The following ULK2 variants were observed in gnomAD, a reference collection of about 807,000 sequenced individuals.
ULK2 encodes unc-51 like autophagy activating kinase 2.
ULK2 carries 76 observed loss-of-function variants against 127.5 expected under a neutral mutation model. That is an observed-to-expected ratio of 0.60 (90% CI 0.50 to 0.72). ULK2 has a LOEUF of 0.72. Among genes scored for constraint, ULK2 ranks in the 30% least tolerant of loss-of-function variants. ULK2 has a pLI of 0.00. For synonymous variants in ULK2, 452 were observed against 461.9 expected, an observed-to-expected ratio of 0.98 and a Z score of 0.28; for missense variants, 1,144 against 1,295.9, an observed-to-expected ratio of 0.88 and a Z score of 1.80.
intron 3 of ULK2, among the ~76,000 whole-genome samples, chr17:19,857,431 T>C (rs982777177): frequency 6.6e-6 from 1 of 152,232 alleles, no homozygotes; most frequent in Non-Finnish European, 1.5e-5. Context: ...CATTTAAATA[T>C]TATTCTGAGA....
intron 12 of ULK2, among the ~76,000 whole-genome samples, chr17:19,819,909 C>T (rs930571368): frequency 2.0e-5 from 3 of 152,168 alleles, no homozygotes; most frequent in African/African-American, 7.2e-5. Context: ...AAGGTGTCCT[C>T]TCTCCTCTAG....
chr17:19,791,844 C>CAA lies in ULK2; in HGVS notation c.2101+3776_2101+3777dup, dbSNP rs58434256. Among the ~76,000 whole-genome samples the CAA allele has an allele frequency of 1.1e-3, 55 of 48,166 alleles. 1 individual carries two copies. Among genetic ancestry groups the CAA allele is most frequent in the Admixed American group, 1.7e-3 (6 of 3,558 alleles). The allele number at this position is 48,166 out of a possible 152,430, so 31.6% of individuals were successfully genotyped here. On this transcript the variant is annotated intron_variant, in intron 20 of 26. Transcript: ENST00000395544. ...CTGCACTCCAGCAACACCCTGTTTA[C>CAA]AAAAAAAAAAAAAAAAAAAAAAAAT...
rs141817517 is a variant in ULK2 at position 19,819,612 on chromosome 17, T to A, written c.925-2692A>T. On this transcript the variant is annotated intron_variant, in intron 12 of 26. Coordinates refer to ENST00000395544, the MANE Select transcript of ULK2 (RefSeq NM_014683.4). ...TGAGCTCTAGATCCCTTTGTTCACTTGCCTATACAACACATTCATGCCTGT... is the reference window on the plus strand; with the variant it reads ...TGAGCTCTAGATCCCTTTGTTCACTAGCCTATACAACACATTCATGCCTGT... Among the ~76,000 whole-genome samples, 144 of 152,312 alleles carry A rather than the reference T, an allele frequency of 9.5e-4. 4 individuals carry two copies. In the East Asian group the frequency reaches 0.024, roughly 26 times the overall value.
Position 19,797,465 on chromosome 17 carries a change from C to A in ULK2, c.1740G>T (p.Gly580=). The A allele has an allele frequency of 6.2e-7, 1 of 1,613,928 alleles. No individual in the cohort carries two copies. The highest frequency in any genetic ancestry group is 8.5e-7 in the Non-Finnish European group (1 of 1,179,948). The change falls in exon 18 of 27, where the codon GGG becomes GGT. Residue 580 remains glycine (G), a synonymous_variant. Transcript: ENST00000395544. The stretch of plus-strand genomic sequence containing the variant: ...ACCAGTCAGAACTCCGTGGAGAGGA[C>A]CCCAAGTGCTTGGTGGGAGAAGTTC... ...SLGTSPTKHL[G]SSPRSSDWFF... is the part of the protein sequence containing the mutation.
chr17:19,852,813 G>C, intron 3 of ULK2, among the ~76,000 whole-genome samples: 1 of 151,156 alleles, frequency 6.6e-6, no homozygotes, highest in African/African-American at 2.4e-5. Flanking sequence ...TGTTGTTGTT[G>C]TTGTTGTTTT....
At chr17:19,817,334 C>A (rs892634712) in intron 12 of ULK2, among the ~76,000 whole-genome samples, 1 of 152,120 alleles carries the variant, frequency 6.6e-6, no homozygotes, top group Non-Finnish European at 1.5e-5. Context: ...ACATCTTACA[C>A]ACACACGTTT....
intron 10 of ULK2, among the ~76,000 whole-genome samples, chr17:19,835,097 A>G (rs939456378): frequency 3.3e-5 from 5 of 151,896 alleles, no homozygotes; most frequent in Admixed American, 1.3e-4. Context: ...AGCCATATTA[A>G]GGGAACAAAG....
intron 19 of ULK2, among the ~76,000 whole-genome samples, 184 bp from the exon 20 acceptor site, chr17:19,795,909 G>A (rs551326604): frequency 6.6e-6 from 1 of 152,294 alleles, no homozygotes; most frequent in South Asian, 2.1e-4. Context: ...GAAGAACTAT[G>A]TACTTACATA....
At chr17:19,806,966 C>T (rs1335810930) in intron 14 of ULK2, among the ~76,000 whole-genome samples, 2 of 152,194 alleles carry the variant, frequency 1.3e-5, no homozygotes, top group African/African-American at 4.8e-5. Context: ...TTCAAATACA[C>T]AATCTTTACA....
chr17:19,799,604 G>A, intron 16 of ULK2, 29 bp from the exon 17 acceptor site: 3 of 1,440,318 alleles, frequency 2.1e-6, no homozygotes, highest in Non-Finnish European at 9.3e-7. Context: ...AAAAGATGGG[G>A]AAAGGAAGAA....
intron 16 of ULK2, among the ~76,000 whole-genome samples, chr17:19,801,199 G>T (rs781502290): frequency 5.3e-5 from 8 of 152,272 alleles, no homozygotes; most frequent in Non-Finnish European, 1.0e-4. Context: ...AATCCCAAAG[G>T]AGATGCTTTT....
chr17:19,779,440 CAGA>C (rs1045931272), intron 25 of ULK2, among the ~76,000 whole-genome samples: 6 of 143,538 alleles, frequency 4.2e-5, no homozygotes, highest in Non-Finnish European at 8.9e-5. Context: ...GCTAACGCAG[CAGA>C]ATCGCTTGAA....
intron 1 of ULK2, among the ~76,000 whole-genome samples, chr17:19,866,708 TAAA>T (rs1476385260): frequency 2.0e-5 from 3 of 152,160 alleles, no homozygotes; most frequent in African/African-American, 4.8e-5. Context: ...AGCAAAGGCT[TAAA>T]ACAATTTTTT....
intron 12 of ULK2, among the ~76,000 whole-genome samples, chr17:19,817,930 T>C (rs552724233): frequency 6.6e-6 from 1 of 152,214 alleles, no homozygotes; most frequent in East Asian, 1.9e-4. Flanking sequence ...ACTTTGTATC[T>C]CAAGGTAATG....
rs1242156544 is a variant in ULK2 at position 19,775,222 on chromosome 17, A to G, written c.*1127T>C. On this transcript the variant is annotated 3_prime_UTR_variant, in exon 27 of 27. Transcript: ENST00000395544. ...ATTAAGTTAACTGCCTGCATTCTCCATGACTAGCTATTTGGTGAACTGTCA... is the reference window on the plus strand; with the variant it reads ...ATTAAGTTAACTGCCTGCATTCTCCGTGACTAGCTATTTGGTGAACTGTCA... 1 of 152,634 alleles carries G rather than the reference A, an allele frequency of 6.6e-6. No individual in the cohort carries two copies. Among genetic ancestry groups the G allele is most frequent in the African/African-American group, 2.4e-5 (1 of 41,446 alleles). The allele number at this position is 152,634 out of a possible 1,614,324, so 9.5% of individuals were successfully genotyped here.
intron 9 of ULK2, chr17:19,840,167 GC>G: frequency 4.3e-6 from 2 of 469,996 alleles, no homozygotes; most frequent in Non-Finnish European, 8.7e-6. Context: ...TGGCCACTGT[GC>G]CCCCGACCCT....
chr17:19,840,903 G>T lies in ULK2; in HGVS notation c.704+586C>A, dbSNP rs1030210034. Among the ~76,000 whole-genome samples, 6 of 151,710 alleles carry T rather than the reference G, an allele frequency of 4.0e-5. No individual in the cohort carries two copies. In the Admixed American group the frequency reaches 4.0e-4, roughly 10 times the overall value. The stretch of plus-strand genomic sequence containing the variant: ...GACTCTGTCTCAAAAACAAAAAAAA[G>T]CATACAGTGCCTCTCTACATCTTGC... On this transcript the variant is annotated intron_variant, in intron 9 of 26. Transcript: ENST00000395544.
intron 10 of ULK2, among the ~76,000 whole-genome samples, chr17:19,830,139 CA>C (rs1225602841): frequency 6.6e-6 from 1 of 152,116 alleles, no homozygotes; most frequent in Non-Finnish European, 1.5e-5. Flanking sequence ...ATATTTTTCT[CA>C]AGTACACATG....
rs2086769366 is a variant in ULK2 at position 19,773,789 on chromosome 17, GCCT to G, written c.*2557_*2559del. The G allele has an allele frequency of 6.6e-6, 1 of 152,142 alleles. No individual in the cohort carries two copies. Among genetic ancestry groups the G allele is most frequent in the Non-Finnish European group, 1.5e-5 (1 of 68,054 alleles). 9.4% of individuals were successfully genotyped at this position (152,142 alleles called of 1,614,324 possible). A position where few individuals can be genotyped will look rare whatever the true frequency, so the allele number is the denominator to read the frequency against. On this transcript the variant is annotated 3_prime_UTR_variant, in exon 27 of 27. Coordinates refer to ENST00000395544, the MANE Select transcript of ULK2 (RefSeq NM_014683.4). The stretch of plus-strand genomic sequence containing the variant: ...CATGGGTTTGGGGTACCCATTCCAG[GCCT>G]CATGTCCGCTGTATCCAACTCAATT...
Sources: gnomAD v4.1 joint callset for allele counts (sites outside exome capture counted in the v4.1 genomes callset) on GRCh38, gnomAD v4.1.1 for gene constraint, MANE v1.5 for transcripts, NCBI Gene and HGNC (gene_info 2026-07-23, HGNC 2026-07-21) for gene names.